Variants in ADAMTSL1 observed in about 807,000 individuals in gnomAD.
ADAMTSL1 encodes the protein ADAMTS like 1.
In ADAMTSL1, 126 loss-of-function variants were observed where a neutral mutation model predicts 201.8. The ratio of observed to expected loss-of-function variants is 0.62; its 90% confidence interval spans 0.54 to 0.72. ADAMTSL1 has a LOEUF of 0.72. ADAMTSL1 is among the 30% of genes least tolerant of loss of function. The pLI, the probability that ADAMTSL1 is intolerant of heterozygous loss-of-function variation, is 0.00. For missense variants in ADAMTSL1, 2,679 were observed against 2,277.8 expected (o/e 1.18, Z -3.59); for synonymous variants, 1,121 against 903.4 (o/e 1.24, Z -4.32).
intron 2 of ADAMTSL1, among the ~76,000 whole-genome samples, chr9:18,239,353 A>T (rs566753110): frequency 6.6e-6 from 1 of 152,334 alleles, no homozygotes; most frequent in South Asian, 2.1e-4. Context: ...CTGCTGCTTT[A>T]TGAACTAAAT....
chr9:18,072,234 G>A (rs766836256), intron 1 of ADAMTSL1, among the ~76,000 whole-genome samples: 24 of 152,212 alleles, frequency 1.6e-4, no homozygotes, highest in Non-Finnish European at 2.5e-4. Flanking sequence ...TTCGATGGCA[G>A]CTGATGATTT....
Position 18,181,603 on chromosome 9 carries a change from T to G in ADAMTSL1, c.207+17622T>G, listed in dbSNP as rs200488678. Among the ~76,000 whole-genome samples, 314 of 151,952 alleles carry G rather than the reference T, an allele frequency of 2.1e-3. 1 individual carries two copies. Among genetic ancestry groups the G allele is most frequent in the Middle Eastern group, 0.01 (3 of 294 alleles). On this transcript the variant is annotated intron_variant, in intron 2 of 29. Transcript: ENST00000680146. ...CACAATGAGATACCATCTCACACCA[T>G]TTAGAATGGCGATCATTAAAAAGTC...
chr9:18,386,904 C>A (rs549820837), intron 2 of ADAMTSL1, among the ~76,000 whole-genome samples: 7 of 152,142 alleles, frequency 4.6e-5, no homozygotes, highest in African/African-American at 1.7e-4. Flanking sequence ...CTTTAAAGCT[C>A]TAAATTTCAT....
intron 2 of ADAMTSL1, among the ~76,000 whole-genome samples, chr9:18,219,964 A>G (rs866740020): frequency 1.3e-5 from 2 of 151,812 alleles, no homozygotes; most frequent in Non-Finnish European, 1.5e-5. Flanking sequence ...ACAGTTTTGT[A>G]TCTTCTTTTT....
chr9:18,055,801 T>A (rs1822155440), intron 1 of ADAMTSL1, among the ~76,000 whole-genome samples: 1 of 152,228 alleles, frequency 6.6e-6, no homozygotes, highest in African/African-American at 2.4e-5. Context: ...GCTTTAAATT[T>A]CCTATATTTT....
At chr9:18,155,002 T>C (rs1827088909) in intron 1 of ADAMTSL1, among the ~76,000 whole-genome samples, 1 of 152,018 alleles carries the variant, frequency 6.6e-6, no homozygotes, top group African/African-American at 2.4e-5. Flanking sequence ...TGGGTGGTGA[T>C]GGAGGTGGTG....
chr9:18,497,152 T>G (rs1822572707), intron 1 of ADAMTSL1, among the ~76,000 whole-genome samples: 1 of 152,226 alleles, frequency 6.6e-6, no homozygotes, highest in African/African-American at 2.4e-5. Flanking sequence ...AATTGTTTCA[T>G]TTTTAGAACT....
intron 2 of ADAMTSL1, among the ~76,000 whole-genome samples, chr9:18,301,414 C>T (rs1281048432): frequency 1.3e-5 from 2 of 152,134 alleles, no homozygotes; most frequent in African/African-American, 2.4e-5. Flanking sequence ...TGTTCCATGA[C>T]CCCCAGTGGA....
At chr9:18,842,551 G>C (rs1825790787) in intron 23 of ADAMTSL1, among the ~76,000 whole-genome samples, 2 of 152,126 alleles carry the variant, frequency 1.3e-5, no homozygotes, top group African/African-American at 4.8e-5. Context: ...ACATCTATTA[G>C]GTCCGCTTGG....
At chr9:18,304,669 T>C (rs1833838815) in intron 2 of ADAMTSL1, among the ~76,000 whole-genome samples, 1 of 151,860 alleles carries the variant, frequency 6.6e-6, no homozygotes, top group Admixed American at 6.6e-5. Context: ...TTTAGGACTA[T>C]GCTTTAGTAT....
At chr9:18,645,327 G>A (rs1434301055) in intron 7 of ADAMTSL1, among the ~76,000 whole-genome samples, 26 of 152,098 alleles carry the variant, frequency 1.7e-4, no homozygotes, top group Admixed American at 2.6e-4. Flanking sequence ...ATTTTCTCCC[G>A]TTTTGTAGGT....
intron 4 of ADAMTSL1, among the ~76,000 whole-genome samples, chr9:18,605,823 A>G (rs536318118): frequency 6.6e-6 from 1 of 152,312 alleles, no homozygotes; most frequent in East Asian, 1.9e-4. Flanking sequence ...AAAGGGGTCA[A>G]AGCTGAGTAT....
chr9:18,213,981 C>T (rs1829975071), intron 2 of ADAMTSL1, among the ~76,000 whole-genome samples: 1 of 152,170 alleles, frequency 6.6e-6, no homozygotes, highest in Admixed American at 6.5e-5. Flanking sequence ...AGGCAATCTA[C>T]CCGCCTGGGC....
intron 20 of ADAMTSL1, among the ~76,000 whole-genome samples, chr9:18,810,371 T>G (rs768207897): frequency 2.0e-5 from 3 of 151,982 alleles, no homozygotes; most frequent in Non-Finnish European, 2.9e-5. Flanking sequence ...GCAAATAAAA[T>G]GGCAAAGAAG....
intron 1 of ADAMTSL1, among the ~76,000 whole-genome samples, chr9:18,019,986 C>G (rs1820414552): frequency 6.6e-6 from 1 of 152,018 alleles, no homozygotes. Flanking sequence ...CTATTTACTT[C>G]CATTTGAACA....
At chr9:18,262,686 A>C (rs1395052506) in intron 2 of ADAMTSL1, among the ~76,000 whole-genome samples, 1 of 152,200 alleles carries the variant, frequency 6.6e-6, no homozygotes, top group Non-Finnish European at 1.5e-5. Context: ...CAAATAAAAA[A>C]TCCTCCAAAA....
intron 1 of ADAMTSL1, among the ~76,000 whole-genome samples, chr9:18,031,329 A>T (rs1018915759): frequency 3.3e-5 from 5 of 151,706 alleles, no homozygotes; most frequent in Admixed American, 3.3e-4. Flanking sequence ...TTGTTTTTAT[A>T]TTCTTTTTTT....
chr9:18,029,850 C>G (rs947016525), intron 1 of ADAMTSL1, among the ~76,000 whole-genome samples: 1 of 152,064 alleles, frequency 6.6e-6, no homozygotes, highest in African/African-American at 2.4e-5. Flanking sequence ...CAATGAGATA[C>G]CATCTCACAC....
chr9:18,159,357 A>T (rs1014929817), intron 1 of ADAMTSL1, among the ~76,000 whole-genome samples: 2 of 152,038 alleles, frequency 1.3e-5, no homozygotes, highest in Admixed American at 1.3e-4. Flanking sequence ...TCACAGAAAA[A>T]CTAAATGAAG....
Sources: allele counts gnomAD v4.1 joint callset (sites outside exome capture counted in the v4.1 genomes callset), GRCh38; gene constraint gnomAD v4.1.1; transcripts MANE v1.5; gene names NCBI Gene and HGNC (gene_info 2026-07-23, HGNC 2026-07-21).